The following WNT16 variants were observed in gnomAD, a reference collection of about 807,000 sequenced individuals.
WNT16 encodes protein Wnt-16.
WNT16 carries 20 observed loss-of-function variants against 35.4 expected under a neutral mutation model. The observed-to-expected ratio is 0.56, with a 90% confidence interval of 0.40 to 0.82. WNT16 has a LOEUF of 0.82. WNT16 is among the 40% of genes least tolerant of loss of function. The pLI, the probability that WNT16 is intolerant of heterozygous loss-of-function variation, is 0.00. For missense variants in WNT16, 461 were observed against 466.0 expected (o/e 0.99, Z 0.10); for synonymous variants, 180 against 179.2 (o/e 1.00, Z -0.03).
In WNT16 at chr7:121,329,698, T is replaced by A. The variant is rs1219957953; in HGVS notation, c.227T>A (p.Leu76Gln). Residue 76 changes from leucine to glutamine, a missense_variant, in exon 2 of 4, where the codon CTG becomes CAG. Transcript: ENST00000222462. ...LLPSIREGAR[L>Q]GIQECGSQFR... The stretch of plus-strand genomic sequence containing the variant: ...CCGAGCATCCGAGAGGGCGCCCGGC[T>A]GGGCATTCAGGAGTGCGGGAGCCAG... The A allele has an allele frequency of 6.2e-7, 1 of 1,613,768 alleles. No individual in the cohort carries two copies. Among genetic ancestry groups the A allele is most frequent in the Admixed American group, 1.7e-5 (1 of 60,024 alleles).
At chr7:121,328,851 G>A (rs939017479), upstream of WNT16, among the ~76,000 whole-genome samples, 4 of 152,144 alleles carry the variant, frequency 2.6e-5, no homozygotes, top group Admixed American at 1.3e-4. Context: ...TGCCCGGAGC[G>A]CCCCCCGCGG....
At chr7:121,337,602 G>C (rs1210619799) in intron 3 of WNT16, among the ~76,000 whole-genome samples, 1 of 152,176 alleles carries the variant, frequency 6.6e-6, no homozygotes, top group African/African-American at 2.4e-5. Context: ...AGCTAGCCCT[G>C]ACGATTTATT....
rs1048633805 is a variant in WNT16 at position 121,339,929 on chromosome 7, A to G, written c.*584A>G. On this transcript the variant is annotated 3_prime_UTR_variant, in exon 4 of 4. Transcript: ENST00000222462. ...TTCCAAAGAAAGGTAATCAAAAAGAATCTTCTTAAGTGATATAATATCCCT... is the reference window on the plus strand; with the variant it reads ...TTCCAAAGAAAGGTAATCAAAAAGAGTCTTCTTAAGTGATATAATATCCCT... The G allele has an allele frequency of 1.9e-5, 3 of 153,946 alleles. No homozygotes were observed. Among genetic ancestry groups the G allele is most frequent in the Non-Finnish European group, 4.3e-5 (3 of 69,300 alleles). 9.5% of individuals were successfully genotyped at this position (153,946 alleles called of 1,614,324 possible).
At chr7:121,331,027 TTA>T (rs1793337724) in intron 2 of WNT16, among the ~76,000 whole-genome samples, 1 of 152,212 alleles carries the variant, frequency 6.6e-6, no homozygotes, top group African/African-American at 2.4e-5. Flanking sequence ...GACATTTTAA[TTA>T]TCTTACCTTT....
Position 121,339,388 on chromosome 7 carries a change from A to G in WNT16, c.*43A>G. The G allele has an allele frequency of 1.3e-6, 2 of 1,552,954 alleles. No individual in the cohort carries two copies. The highest frequency in any genetic ancestry group is 2.3e-5 in the South Asian group (2 of 85,784). On this transcript the variant is annotated 3_prime_UTR_variant, in exon 4 of 4. Transcript: ENST00000222462. ...GGGCAAGATGCCTCAGCAATATACA[A>G]TGGCATTGCAACCAGAGAGGTGCCC...
intron 3 of WNT16, among the ~76,000 whole-genome samples, chr7:121,337,816 G>T (rs1351280169): frequency 2.6e-5 from 4 of 152,158 alleles, no homozygotes; most frequent in African/African-American, 4.8e-5. Flanking sequence ...TCAGGCAGTG[G>T]ACTATTACAA....
In WNT16 at chr7:121,339,572, C is replaced by A. The variant is rs1793500783; in HGVS notation, c.*227C>A. ...TTCTAATGTTGAAAAGGTTTATATT[C>A]ACCTTTTGATGATTTGGGGAATATA... On this transcript the variant is annotated 3_prime_UTR_variant, in exon 4 of 4. Transcript: ENST00000222462. 3.9e-6 allele frequency: 2 copies of A among 515,370 alleles called. No individual in the cohort carries two copies. The highest frequency in any genetic ancestry group is 3.9e-5 in the South Asian group (1 of 25,438). The allele number at this position is 515,370 out of a possible 1,614,324, so 31.9% of individuals were successfully genotyped here. A position where few individuals can be genotyped will look rare whatever the true frequency, so the allele number is the denominator to read the frequency against.
Position 121,329,142 on chromosome 7 carries a change from C to T in WNT16, c.-151C>T. On this transcript the variant is annotated 5_prime_UTR_variant, in exon 1 of 4. Coordinates refer to ENST00000222462, the MANE Select transcript of WNT16 (RefSeq NM_057168.2). ...AAACGAGGGGGAAGCTGCTGAGAGT[C>T]CCTATCACTGCTGGCCTTTTAATGT... 7.1e-7 allele frequency: 1 copy of T among 1,402,822 alleles called. No homozygotes were observed. The highest frequency in any genetic ancestry group is 9.2e-7 in the Non-Finnish European group (1 of 1,081,284). The allele number at this position is 1,402,822 out of a possible 1,614,324, so 86.9% of individuals were successfully genotyped here.
upstream of WNT16, among the ~76,000 whole-genome samples, chr7:121,326,598 T>C (rs931997164): frequency 6.6e-6 from 1 of 151,918 alleles, no homozygotes; most frequent in African/African-American, 2.4e-5. Context: ...CCCACTCTGA[T>C]CCCCAAGACT....
intron 3 of WNT16, among the ~76,000 whole-genome samples, chr7:121,332,855 C>T (rs1793375908): frequency 6.6e-6 from 1 of 151,906 alleles, no homozygotes; most frequent in South Asian, 2.1e-4. Flanking sequence ...TATGTAATTA[C>T]CATCCTTTAT....
chr7:121,329,322 C>A lies in WNT16; in HGVS notation c.30C>A (p.Ala10=). 1 of 1,592,868 alleles carries A rather than the reference C, an allele frequency of 6.3e-7. No homozygotes were observed. The highest frequency in any genetic ancestry group is 1.1e-5 in the South Asian group (1 of 88,360). Residue 10 remains alanine (A), a synonymous_variant, in exon 1 of 4, where the codon GCC becomes GCA. Transcript: ENST00000222462. ...ACAGGGCGGCGCTCCTGGGACTGGC[C>A]CGCTTGTGCGCGCTGTGGGCAGCCC... The part of the protein sequence containing the change: MDRAALLGL[A]RLCALWAALL...
In WNT16 at chr7:121,331,810, G is replaced by GTGAA. The variant is rs749389784; in HGVS notation, c.480_483dup (p.Gly162Ter). On this transcript the variant is annotated frameshift_variant, in exon 3 of 4. Transcript: ENST00000222462. LOFTEE classifies it high-confidence loss of function. The stretch of plus-strand genomic sequence containing the variant: ...ACCTTGCAGAACGGCGGCTCAGCAA[G>GTGAA]TGAAGGCTGGCACTGGGGGGGCTGC... 6.2e-7 allele frequency: 1 copy of GTGAA among 1,614,230 alleles called. No homozygotes were observed. The highest frequency in any genetic ancestry group is 1.1e-5 in the South Asian group (1 of 91,078).
At chr7:121,326,038 CAAAAAAAAAAAAAAA>C (rs386411143), upstream of WNT16, among the ~76,000 whole-genome samples, 4 of 23,090 alleles carry the variant, frequency 1.7e-4, no homozygotes, top group Non-Finnish European at 3.5e-4. Context: ...TACCTCATCT[CAAAAAAAAAAAAAAA>C]AAAAAAAAAA....
chr7:121,340,400 T>G lies in WNT16; in HGVS notation c.*1055T>G, dbSNP rs1446810000. 2.0e-5 allele frequency: 3 copies of G among 152,146 alleles called. No individual in the cohort carries two copies. The highest frequency in any genetic ancestry group is 4.4e-5 in the Non-Finnish European group (3 of 67,984). The allele number at this position is 152,146 out of a possible 1,614,324, so 9.4% of individuals were successfully genotyped here. A position where few individuals can be genotyped will look rare whatever the true frequency, so the allele number is the denominator to read the frequency against. Reference sequence around the variant, plus strand: ...ATCTCATAAATAATATTAGCTTATTTTTTTTCATACTATTAATGCTATTTT... The same window carrying G: ...ATCTCATAAATAATATTAGCTTATTGTTTTTCATACTATTAATGCTATTTT... On this transcript the variant is annotated 3_prime_UTR_variant, in exon 4 of 4. Coordinates refer to ENST00000222462, the MANE Select transcript of WNT16 (RefSeq NM_057168.2).
intron 3 of WNT16, among the ~76,000 whole-genome samples, chr7:121,332,276 C>A (rs541186518): frequency 4.0e-5 from 6 of 150,478 alleles, no homozygotes; most frequent in African/African-American, 1.5e-4. Context: ...ACATATATTA[C>A]AAATGTGTAT....
chr7:121,329,281 C>T lies in WNT16; in HGVS notation c.-12C>T. 6.5e-7 allele frequency: 1 copy of T among 1,549,564 alleles called. No individual in the cohort carries two copies. Among genetic ancestry groups the T allele is most frequent in the Admixed American group, 2.0e-5 (1 of 50,424 alleles). ...GAGGAGCGGCTGGGCTGGGGGACTCCATGCGGGGGCGATGGACAGGGCGGC... is the reference window on the plus strand; with the variant it reads ...GAGGAGCGGCTGGGCTGGGGGACTCTATGCGGGGGCGATGGACAGGGCGGC... On this transcript the variant is annotated 5_prime_UTR_variant, in exon 1 of 4. Transcript: ENST00000222462.
chr7:121,325,829 C>A (rs181365114), upstream of WNT16, among the ~76,000 whole-genome samples: 1 of 151,794 alleles, frequency 6.6e-6, no homozygotes, highest in East Asian at 1.9e-4. Flanking sequence ...TTGTTTGAGC[C>A]AGGAATTTGA....
intron 3 of WNT16, among the ~76,000 whole-genome samples, chr7:121,337,438 T>C (rs1184480945): frequency 1.3e-5 from 2 of 152,238 alleles, no homozygotes; most frequent in Non-Finnish European, 2.9e-5. Flanking sequence ...TGTAGACCCC[T>C]GTCATTTTAT....
chr7:121,335,125 C>T (rs1317879087), intron 3 of WNT16, among the ~76,000 whole-genome samples: 1 of 152,072 alleles, frequency 6.6e-6, no homozygotes, highest in African/African-American at 2.4e-5. Context: ...TTTATAAAAA[C>T]TTAGATCATC....
Sources: gnomAD v4.1 joint callset for allele counts (sites outside exome capture counted in the v4.1 genomes callset) on GRCh38, gnomAD v4.1.1 for gene constraint, MANE v1.5 for transcripts, NCBI Gene and HGNC (gene_info 2026-07-23, HGNC 2026-07-21) for gene names.